SIPA1L3: variants seen among roughly 807,000 people sequenced by gnomAD.
SIPA1L3 encodes signal-induced proliferation-associated 1-like protein 3.
Under a neutral mutation model 150.1 loss-of-function variants are expected in SIPA1L3, and 59 were observed. That is an observed-to-expected ratio of 0.39 (90% CI 0.32 to 0.49). The LOEUF (loss-of-function observed/expected upper bound fraction) is 0.49. SIPA1L3 is among the 20% of genes least tolerant of loss of function. SIPA1L3 has a pLI of 0.86. For missense variants in SIPA1L3, 2,211 were observed against 2,489.5 expected (o/e 0.89, Z 2.38); for synonymous variants, 1,070 against 1,077.6 (o/e 0.99, Z 0.14).
At chr19:37,990,786 C>A (rs573604798) in intron 1 of SIPA1L3, among the ~76,000 whole-genome samples, 1 of 152,240 alleles carries the variant, frequency 6.6e-6, no homozygotes, top group African/African-American at 2.4e-5. Context: ...CTGGTACCAA[C>A]AACAGCAGAC....
At chr19:38,050,454 A>G (rs1224487527) in intron 2 of SIPA1L3, among the ~76,000 whole-genome samples, 1 of 152,160 alleles carries the variant, frequency 6.6e-6, no homozygotes, top group Admixed American at 6.5e-5. Flanking sequence ...AGACTGTCTC[A>G]ACAATAACAA....
chr19:37,995,576 G>A (rs1967619606), intron 1 of SIPA1L3, among the ~76,000 whole-genome samples: 1 of 152,192 alleles, frequency 6.6e-6, no homozygotes, highest in Non-Finnish European at 1.5e-5. Flanking sequence ...GGAGAACTGT[G>A]AAGAGGGGTG....
At chr19:38,075,873 G>A (rs1969826541) in intron 2 of SIPA1L3, among the ~76,000 whole-genome samples, 1 of 152,084 alleles carries the variant, frequency 6.6e-6, no homozygotes, top group Non-Finnish European at 1.5e-5. Context: ...GCCGGGCACG[G>A]TGGCTCACGC....
intron 1 of SIPA1L3, among the ~76,000 whole-genome samples, chr19:37,917,119 A>G (rs1286478003): frequency 1.3e-5 from 2 of 152,240 alleles, no homozygotes; most frequent in Non-Finnish European, 2.9e-5. Context: ...TATAGAAATT[A>G]TTAGTGAGCT....
chr19:37,937,986 G>A (rs931232703), intron 1 of SIPA1L3, among the ~76,000 whole-genome samples: 1 of 152,030 alleles, frequency 6.6e-6, no homozygotes, highest in African/African-American at 2.4e-5. Flanking sequence ...GGCGGAGGTT[G>A]CAGTGAGCTG....
At chr19:38,068,220 G>T (rs1969640550) in intron 2 of SIPA1L3, among the ~76,000 whole-genome samples, 1 of 151,718 alleles carries the variant, frequency 6.6e-6, no homozygotes, top group African/African-American at 2.4e-5. Flanking sequence ...TAGTAGAGAC[G>T]GGGTTTCACC....
intron 1 of SIPA1L3, among the ~76,000 whole-genome samples, chr19:37,969,249 A>G (rs2046932035): frequency 6.6e-6 from 1 of 151,878 alleles, no homozygotes; most frequent in Admixed American, 6.6e-5. Context: ...AAAGAAAAAA[A>G]GAAAAGAAAA....
intron 1 of SIPA1L3, among the ~76,000 whole-genome samples, chr19:37,982,015 G>T (rs534145004): frequency 6.6e-6 from 1 of 152,284 alleles, no homozygotes; most frequent in South Asian, 2.1e-4. Context: ...AGCATCTTAC[G>T]CATGTCCACG....
At chr19:37,985,801 C>T (rs1390552633) in intron 1 of SIPA1L3, among the ~76,000 whole-genome samples, 7 of 152,120 alleles carry the variant, frequency 4.6e-5, no homozygotes, top group Admixed American at 2.0e-4. Context: ...GCCCAGAGGC[C>T]GGGCCCCTCC....
At chr19:38,005,591 A>G (rs1207369831) in intron 1 of SIPA1L3, among the ~76,000 whole-genome samples, 1 of 152,088 alleles carries the variant, frequency 6.6e-6, no homozygotes, top group Non-Finnish European at 1.5e-5. Context: ...TGAGCTACTC[A>G]TCTGACCTGA....
At chr19:38,000,923 C>CAT (rs139011047) in intron 1 of SIPA1L3, among the ~76,000 whole-genome samples, 30 of 130,260 alleles carry the variant, frequency 2.3e-4, no homozygotes, top group African/African-American at 4.5e-4. Flanking sequence ...ATATATATAA[C>CAT]ATATATATAA....
intron 1 of SIPA1L3, among the ~76,000 whole-genome samples, chr19:38,026,088 A>T (rs1968503194): frequency 6.6e-6 from 1 of 152,190 alleles, no homozygotes; most frequent in Non-Finnish European, 1.5e-5. Flanking sequence ...GTCTAAAAGG[A>T]AGTGGATGGA....
At chr19:37,907,493 C>T (rs999675429) in intron 1 of SIPA1L3, 135 bp downstream of exon 1, 2 of 152,322 alleles carry the variant, frequency 1.3e-5, no homozygotes, top group African/African-American at 4.8e-5. Flanking sequence ...CGCCGGGACT[C>T]GCGCCCTCCG....
intron 2 of SIPA1L3, among the ~76,000 whole-genome samples, chr19:38,036,767 G>A (rs1473535362): frequency 6.6e-6 from 1 of 152,140 alleles, no homozygotes; most frequent in Non-Finnish European, 1.5e-5. Context: ...GGGCAGGTCA[G>A]GTGGGAGGGC....
intron 1 of SIPA1L3, among the ~76,000 whole-genome samples, chr19:37,933,223 C>T (rs2046571360): frequency 6.6e-6 from 1 of 151,816 alleles, no homozygotes; most frequent in African/African-American, 2.4e-5. Flanking sequence ...GCTGCACTGG[C>T]CTCCTGCTGT....
intron 1 of SIPA1L3, among the ~76,000 whole-genome samples, chr19:37,911,082 G>A (rs2046373528): frequency 2.0e-5 from 3 of 151,994 alleles, no homozygotes; most frequent in South Asian, 2.1e-4. Flanking sequence ...ACCCCATGTC[G>A]CCAGAGATAA....
At chr19:38,008,526 G>A (rs1312408400) in intron 1 of SIPA1L3, among the ~76,000 whole-genome samples, 1 of 151,960 alleles carries the variant, frequency 6.6e-6, no homozygotes, top group Non-Finnish European at 1.5e-5. Context: ...ACCGCTCCTG[G>A]CTAGGCTACC....
At position 37,998,549 on chromosome 19, in the gene SIPA1L3, AGGTG is replaced by A. The variant is rs1967699863; in HGVS notation, c.-378-30537_-378-30534del. Among the ~76,000 whole-genome samples the A allele has an allele frequency of 2.0e-5, 3 of 152,192 alleles. No individual in the cohort carries two copies. The South Asian group carries it at 6.2e-4, about 32-fold the overall frequency. On this transcript the variant is annotated intron_variant, in intron 1 of 21. Transcript: ENST00000222345. The stretch of plus-strand genomic sequence containing the variant: ...GTATTCCCGGCACTTTGGGAGACCA[AGGTG>A]GGAGGATTGCTTGAGCTCAGGAGTT...
intron 15 of SIPA1L3, among the ~76,000 whole-genome samples, chr19:38,178,088 TG>T (rs1972476434): frequency 1.3e-4 from 1 of 7,590 alleles, no homozygotes; most frequent in Non-Finnish European, 2.4e-4. Flanking sequence ...AGGCTTTTGG[TG>T]TGTGTGTGTG....
Sources: gnomAD v4.1 joint callset for allele counts (sites outside exome capture counted in the v4.1 genomes callset) on GRCh38, gnomAD v4.1.1 for gene constraint, MANE v1.5 for transcripts, NCBI Gene and HGNC (gene_info 2026-07-23, HGNC 2026-07-21) for gene names.